Variants in CAST observed in about 807,000 individuals in gnomAD.
CAST encodes the protein MIR583 host.
A neutral mutation model predicts 119.6 loss-of-function variants in CAST; 76 were observed. That is an observed-to-expected ratio of 0.64 (90% CI 0.53 to 0.77). The LOEUF is 0.77. Among genes scored for constraint, CAST ranks in the 30% least tolerant of loss-of-function variants. The pLI is 0.00. For missense variants in CAST, 953 were observed against 946.5 expected (o/e 1.01, Z -0.09); for synonymous variants, 319 against 331.6 (o/e 0.96, Z 0.41).
the CAST span, among the ~76,000 whole-genome samples, chr5:96,383,781 T>A: frequency 6.6e-6 from 1 of 152,190 alleles, no homozygotes; most frequent in Non-Finnish European, 1.5e-5. Context: ...AAGAGAGTGA[T>A]GTGACAAGAT....
the CAST span, among the ~76,000 whole-genome samples, chr5:96,358,527 T>G: frequency 6.6e-6 from 1 of 152,210 alleles, no homozygotes; most frequent in Non-Finnish European, 1.5e-5. Flanking sequence ...TCTGGTACGT[T>G]GTGTTTTTGT....
At chr5:96,653,774 C>T (rs753894172) in intron 1 of CAST, among the ~76,000 whole-genome samples, 43 of 151,456 alleles carry the variant, frequency 2.8e-4, no homozygotes, top group Non-Finnish European at 4.4e-4. Context: ...ATTTGGGGGC[C>T]AAAATAATTA....
chr5:96,743,924 A>G (rs1233770368), intron 16 of CAST, among the ~76,000 whole-genome samples: 2 of 152,200 alleles, frequency 1.3e-5, no homozygotes, highest in East Asian at 1.9e-4. Flanking sequence ...CAGGGCCACA[A>G]GTATATTGCA....
chr5:96,446,152 C>T, the CAST span, among the ~76,000 whole-genome samples: 57 of 143,222 alleles, frequency 4.0e-4, no homozygotes, highest in African/African-American at 1.5e-3. Context: ...AGCCACCATG[C>T]ACAGCTCCAA....
At chr5:96,220,803 T>C in the CAST span, among the ~76,000 whole-genome samples, 5,603 of 152,156 alleles carry the variant, frequency 0.037, 364 homozygotes, top group African/African-American at 0.13. Flanking sequence ...TTTCTGAGAG[T>C]CTTTCTTGAG....
Position 96,722,693 on chromosome 5 carries a change from A to G in CAST, c.265A>G (p.Thr89Ala), listed in dbSNP as rs1758514700. The G allele has an allele frequency of 6.2e-7, 1 of 1,610,476 alleles. No homozygotes were observed. Among genetic ancestry groups the G allele is most frequent in the Non-Finnish European group, 8.5e-7 (1 of 1,176,656 alleles). Residue 89 changes from threonine (T) to alanine (A), a missense_variant, in exon 4 of 32, where the codon ACC (threonine) becomes GCC (alanine). Physicochemically the swap from Thr to Ala is moderately conservative, Grantham distance 58. Coordinates refer to ENST00000675179, the MANE Select transcript of CAST (RefSeq NM_001750.7). The stretch of plus-strand genomic sequence containing the variant: ...GTCTTCCAGTATGAATCCCACAGAA[A>G]CCAAGGTATGAAGAATGCTAATTGA... ...SKSSSMNPTE[T>A]KAIPVSQQME...
the CAST span, among the ~76,000 whole-genome samples, chr5:96,110,527 A>G: frequency 6.6e-6 from 1 of 152,164 alleles, no homozygotes; most frequent in Non-Finnish European, 1.5e-5. Context: ...ACTGCTTTGA[A>G]GAGATTATCA....
the CAST span, among the ~76,000 whole-genome samples, chr5:96,096,194 C>T: frequency 6.6e-6 from 1 of 152,118 alleles, no homozygotes; most frequent in African/African-American, 2.4e-5. Flanking sequence ...TGCAGGGAAC[C>T]TCCATGTATA....
At chr5:96,643,637 G>A (rs1047081732) in intron 1 of CAST, among the ~76,000 whole-genome samples, 26 of 152,164 alleles carry the variant, frequency 1.7e-4, no homozygotes, top group African/African-American at 5.6e-4. Flanking sequence ...CACTTTGGGA[G>A]GCCGAGGTGG....
chr5:96,179,534 A>G, the CAST span, among the ~76,000 whole-genome samples: 1 of 152,154 alleles, frequency 6.6e-6, no homozygotes, highest in African/African-American at 2.4e-5. Context: ...ATTGTTTCCA[A>G]CTCAGCAGCT....
chr5:96,457,491 A>G, the CAST span, among the ~76,000 whole-genome samples: 1 of 152,130 alleles, frequency 6.6e-6, no homozygotes, highest in Non-Finnish European at 1.5e-5. Flanking sequence ...GGATATGGCT[A>G]CGTTCCCTCC....
chr5:96,592,600 C>CTAT (rs1405468271), intron 1 of CAST, among the ~76,000 whole-genome samples: 1 of 152,024 alleles, frequency 6.6e-6, no homozygotes, highest in Non-Finnish European at 1.5e-5. Flanking sequence ...TGGTTTCTCT[C>CTAT]TATAGTTTTT....
intron 1 of CAST, among the ~76,000 whole-genome samples, chr5:96,558,820 C>T (rs1746297190): frequency 6.6e-6 from 1 of 152,176 alleles, no homozygotes; most frequent in Non-Finnish European, 1.5e-5. Context: ...CTATTCCAAT[C>T]AATAGAAATA....
the CAST span, among the ~76,000 whole-genome samples, chr5:96,414,463 C>G: frequency 6.6e-6 from 1 of 152,202 alleles, no homozygotes; most frequent in Admixed American, 6.5e-5. Context: ...CCCTACAAAT[C>G]TAGCCCCTAA....
At chr5:96,745,840 T>A (rs550541980) in intron 16 of CAST, among the ~76,000 whole-genome samples, 1 of 152,336 alleles carries the variant, frequency 6.6e-6, no homozygotes, top group South Asian at 2.1e-4. Flanking sequence ...ATATCTGAAC[T>A]GGGTTTAATG....
At chr5:96,301,008 T>C in the CAST span, among the ~76,000 whole-genome samples, 13 of 152,140 alleles carry the variant, frequency 8.5e-5, no homozygotes, top group African/African-American at 2.9e-4. Flanking sequence ...TGTTCTCACA[T>C]TGCTATAAAG....
chr5:96,439,357 G>T, the CAST span, among the ~76,000 whole-genome samples: 2 of 152,028 alleles, frequency 1.3e-5, no homozygotes, highest in Admixed American at 6.6e-5. Context: ...AAGCAAAAAA[G>T]CAACTAATTT....
the CAST span, among the ~76,000 whole-genome samples, chr5:96,324,432 A>G: frequency 6.6e-6 from 1 of 152,202 alleles, no homozygotes; most frequent in Non-Finnish European, 1.5e-5. Context: ...CCTAATCGTA[A>G]TTAGAATGTC....
chr5:96,482,683 A>G, the CAST span, among the ~76,000 whole-genome samples: 1 of 152,150 alleles, frequency 6.6e-6, no homozygotes, highest in African/African-American at 2.4e-5. Context: ...GTCTGGTCAT[A>G]GGATAACTGT....
Sources: allele counts gnomAD v4.1 joint callset (sites outside exome capture counted in the v4.1 genomes callset), GRCh38; gene constraint gnomAD v4.1.1; transcripts MANE v1.5; gene names NCBI Gene and HGNC (gene_info 2026-07-23, HGNC 2026-07-21).